Variants in PSEN2 observed in about 807,000 individuals in gnomAD.
The protein encoded by PSEN2 is presenilin 2, also known as presenilin-2.
Under a neutral mutation model 49.1 loss-of-function variants are expected in PSEN2, and 32 were observed. The observed-to-expected ratio is 0.65, with a 90% CI of 0.49 to 0.88. PSEN2 has a LOEUF of 0.88. Among genes scored for constraint, PSEN2 ranks in the 40% least tolerant of loss-of-function variants. The pLI is 0.00. For missense variants in PSEN2, 522 were observed against 586.9 expected (o/e 0.89, Z 1.14); for synonymous variants, 255 against 244.0 (o/e 1.05, Z -0.42).
Position 226,889,094 on chromosome 1 carries a change from AG to A in PSEN2, c.787+48del, listed in dbSNP as rs1665966877. ...GGTGGGGGCAGTGGGGGCGATGTCCAGGGCCAAATCGTCCCCAGTGCTGCAC... is the reference window on the plus strand; with the variant it reads ...GGTGGGGGCAGTGGGGGCGATGTCCAGGCCAAATCGTCCCCAGTGCTGCAC... On this transcript the variant is annotated intron_variant, in intron 8 of 12. Coordinates refer to ENST00000366783, the MANE Select transcript of PSEN2 (RefSeq NM_000447.3). 8 of 1,554,312 alleles carry A rather than the reference AG, an allele frequency of 5.1e-6. No homozygotes were observed. The South Asian group carries it at 6.8e-5, about 13-fold the overall frequency.
intron 9 of PSEN2, among the ~76,000 whole-genome samples, 154 bp from the exon 10 acceptor site, chr1:226,891,124 A>G (rs1661710029): frequency 6.6e-6 from 1 of 152,138 alleles, no homozygotes; most frequent in South Asian, 2.1e-4. Context: ...GACCCCTCCC[A>G]CAACGGCCTC....
At chr1:226,891,510 G>A in intron 10 of PSEN2, 149 bp downstream of exon 10, 1 of 782,528 alleles carries the variant, frequency 1.3e-6, no homozygotes, top group Non-Finnish European at 2.1e-6. Flanking sequence ...GACACATGCG[G>A]CTTGAAGATT....
downstream of PSEN2, chr1:226,898,003 C>T (rs1662208739): frequency 6.5e-6 from 1 of 152,776 alleles, no homozygotes; most frequent in South Asian, 2.1e-4. Flanking sequence ...GTCACCCAGG[C>T]TAGAGTGCAA....
At chr1:226,871,886 C>T (rs1660320816) in intron 2 of PSEN2, among the ~76,000 whole-genome samples, 1 of 152,248 alleles carries the variant, frequency 6.6e-6, no homozygotes, top group East Asian at 1.9e-4. Flanking sequence ...CTTGGCCCCA[C>T]CTCAGAGCTG....
Position 226,890,142 on chromosome 1 carries a change from GC to G in PSEN2, c.886+15del, listed in dbSNP as rs749788589. ...TGCCCTGATATACTCATGTGAGTGAGCCCCCCGTGCCTCTGCCTGACTCGGG... is the reference window on the plus strand; with the variant it reads ...TGCCCTGATATACTCATGTGAGTGAGCCCCCGTGCCTCTGCCTGACTCGGG... On this transcript the variant is annotated intron_variant, in intron 9 of 12. Transcript: ENST00000366783. The G allele has an allele frequency of 6.2e-6, 10 of 1,604,092 alleles. No homozygotes were observed. Among genetic ancestry groups the G allele is most frequent in the Non-Finnish European group, 8.5e-6 (10 of 1,170,900 alleles).
At chr1:226,881,386 C>A (rs534795975) in intron 3 of PSEN2, among the ~76,000 whole-genome samples, 1 of 152,222 alleles carries the variant, frequency 6.6e-6, no homozygotes, top group African/African-American at 2.4e-5. Flanking sequence ...CAGATAGGCT[C>A]TTCTCTAGAA....
Position 226,883,926 on chromosome 1 carries a change from TGGGGGGCTG to T in PSEN2, c.356+13_356+21del. The T allele has an allele frequency of 1.5e-6, 1 of 663,662 alleles. No homozygotes were observed. Among genetic ancestry groups the T allele is most frequent in the Non-Finnish European group, 2.0e-6 (1 of 512,798 alleles). The allele number at this position is 663,662 out of a possible 1,614,324, so 41.1% of individuals were successfully genotyped here. Reference sequence around the variant, plus strand: ...CAGAGAAGAATGGACAGCTGTGAGTTGGGGGGCTGGGGGGAGCAGGGTGGGGTGAGGGCT... The same window carrying T: ...CAGAGAAGAATGGACAGCTGTGAGTTGGGGGAGCAGGGTGGGGTGAGGGCT... On this transcript the variant is annotated splice_region_variant and intron_variant, in intron 5 of 12. Coordinates refer to ENST00000366783, the MANE Select transcript of PSEN2 (RefSeq NM_000447.3).
chr1:226,896,402 G>C (rs1004916844), downstream of PSEN2, among the ~76,000 whole-genome samples: 1 of 152,164 alleles, frequency 6.6e-6, no homozygotes, highest in Non-Finnish European at 1.5e-5. Flanking sequence ...AACATCCAGT[G>C]GTTCCTTCAG....
At chr1:226,898,847 C>T (rs1662230619), downstream of PSEN2, 1 of 152,210 alleles carries the variant, frequency 6.6e-6, no homozygotes, top group Non-Finnish European at 1.5e-5. Context: ...ATCTCCTGAC[C>T]TCGTGATCCA....
chr1:226,876,362 A>G (rs1660628830), intron 3 of PSEN2, among the ~76,000 whole-genome samples: 1 of 152,202 alleles, frequency 6.6e-6, no homozygotes, highest in Non-Finnish European at 1.5e-5. Flanking sequence ...TGAGGGACAA[A>G]TGAAAAAAGT....
rs147066272 is a variant in PSEN2, at chr1:226,888,608, C to T, written c.567-221C>T. Among the ~76,000 whole-genome samples, 256 of 152,322 alleles carry T rather than the reference C, an allele frequency of 1.7e-3. 4 individuals carry two copies. The East Asian group carries it at 0.023, about 14-fold the overall frequency. On this transcript the variant is annotated intron_variant, in intron 7 of 12. Coordinates refer to ENST00000366783, the MANE Select transcript of PSEN2 (RefSeq NM_000447.3). ...ACTTTCCCAAGGACCTTTCCATGTG[C>T]ACAGGGTCTTCCAGGTCATGCCCAT...
At position 226,891,755 on chromosome 1, in the gene PSEN2, A is replaced by G. The variant is rs1661767741; in HGVS notation, c.983A>G (p.Tyr328Cys). 2.5e-6 allele frequency: 4 copies of G among 1,613,840 alleles called. No homozygotes were observed. Among genetic ancestry groups the G allele is most frequent in the East Asian group, 2.2e-5 (1 of 44,858 alleles). Residue 328 changes from tyrosine to cysteine, a missense_variant, in exon 11 of 13, where the codon TAT (tyrosine) becomes TGT (cysteine). Coordinates refer to ENST00000366783, the MANE Select transcript of PSEN2 (RefSeq NM_000447.3). Reference protein sequence around the residue: ...PYDPEMEEDSYDSFGEPSYPE... With the variant: ...PYDPEMEEDSCDSFGEPSYPE... ...CCTGGACACCCAGAAGAAGACTCCT[A>G]TGACAGTTTTGGGGAGCCTTCATAC... is the stretch of plus-strand genomic sequence containing the variant.
chr1:226,902,936 T>C (rs1356069859), intron 12 of PSEN2, among the ~76,000 whole-genome samples: 1 of 152,066 alleles, frequency 6.6e-6, no homozygotes, highest in Non-Finnish European at 1.5e-5. Context: ...AACAGAAACC[T>C]GAGAGGCTGA....
intron 5 of PSEN2, among the ~76,000 whole-genome samples, chr1:226,884,420 C>T (rs1661211512): frequency 6.6e-6 from 1 of 152,170 alleles, no homozygotes; most frequent in South Asian, 2.1e-4. Context: ...ACTTATAAAG[C>T]CTTTCGTTTA....
Position 226,885,575 on chromosome 1 carries a change from G to A in PSEN2, c.394G>A (p.Gly132Ser), listed in dbSNP as rs1661303867. The A allele has an allele frequency of 1.9e-6, 3 of 1,613,752 alleles. No individual in the cohort carries two copies. Among genetic ancestry groups the A allele is most frequent in the African/African-American group, 1.3e-5 (1 of 74,832 alleles). Reference protein sequence around the residue: ...TPFTEDTPSVGQRLLNSVLNT... With the variant: ...TPFTEDTPSVSQRLLNSVLNT... ...ATTCACTGAGGACACACCCTCGGTGGGCCAGCGCCTCCTCAACTCCGTGCT... is the reference window on the plus strand; with the variant it reads ...ATTCACTGAGGACACACCCTCGGTGAGCCAGCGCCTCCTCAACTCCGTGCT... The change falls in exon 6 of 13, where the codon GGC (glycine) becomes AGC (serine). Residue 132 changes from glycine (G) to serine (S), a missense_variant. Physicochemically the swap from Gly to Ser is moderately conservative, Grantham distance 56. Coordinates refer to ENST00000366783, the MANE Select transcript of PSEN2 (RefSeq NM_000447.3).
chr1:226,891,991 GC>G (rs1661788323), intron 11 of PSEN2, 147 bp downstream of exon 11: 1 of 709,896 alleles, frequency 1.4e-6, no homozygotes, highest in Admixed American at 2.1e-5. Flanking sequence ...AGTAGAAGAT[GC>G]CTGCAGCGCT....
chr1:226,887,003 G>T (rs964793855), intron 6 of PSEN2, among the ~76,000 whole-genome samples: 1 of 152,178 alleles, frequency 6.6e-6, no homozygotes, highest in African/African-American at 2.4e-5. Context: ...GAACATTGCC[G>T]CTGGGAGGTT....
At chr1:226,893,872 C>T in intron 11 of PSEN2, 135 bp from the exon 12 acceptor site, 1 of 771,434 alleles carries the variant, frequency 1.3e-6, no homozygotes, top group East Asian at 2.5e-5. Flanking sequence ...CCCCAGTCCA[C>T]ATCTTAGCTT....
At chr1:226,884,915 AT>A (rs1254796032) in intron 5 of PSEN2, among the ~76,000 whole-genome samples, 2 of 152,116 alleles carry the variant, frequency 1.3e-5, no homozygotes, top group Non-Finnish European at 2.9e-5. Context: ...CTGTCTCAAA[AT>A]TTTTTTAAAA....
Sources: allele counts gnomAD v4.1 joint callset (sites outside exome capture counted in the v4.1 genomes callset), GRCh38; gene constraint gnomAD v4.1.1; transcripts MANE v1.5; gene names NCBI Gene and HGNC (gene_info 2026-07-23, HGNC 2026-07-21).